CARHSP1: variants seen among roughly 807,000 people sequenced by gnomAD.
The protein encoded by CARHSP1 is calcium-regulated heat-stable protein 1.
In CARHSP1, 14 loss-of-function variants were observed where a neutral mutation model predicts 12.5. That is an observed-to-expected ratio of 1.12 (90% confidence interval 0.74 to 1.75). The LOEUF (loss-of-function observed/expected upper bound fraction) is 1.75, where lower values mean the gene tolerates loss of function less well. CARHSP1 is among the 40% of genes most tolerant of loss of function. The probability of loss-of-function intolerance (pLI) is 0.00; values close to 1 mark genes in which losing one functional copy is unlikely to be tolerated. For synonymous variants in CARHSP1, 161 were observed against 82.0 expected, an observed-to-expected ratio of 1.96 and a Z score of -5.20; for missense variants, 343 against 201.6, an observed-to-expected ratio of 1.70 and a Z score of -4.25.
Position 8,859,196 on chromosome 16 carries a change from T to C in CARHSP1, c.133A>G (p.Thr45Ala). ...RGNVVPSPLP[T>A]RRTRTFSATV... Reference sequence around the variant, plus strand: ...GCCGAGAAGGTCCTCGTCCGGCGAGTGGGCAGTGGGCTTGGGACCACGTTG... The same window carrying C: ...GCCGAGAAGGTCCTCGTCCGGCGAGCGGGCAGTGGGCTTGGGACCACGTTG... Residue 45 changes from threonine (T) to alanine (A), a missense_variant, in exon 2 of 4, where the codon ACT (threonine) becomes GCT (alanine). Thr to Ala is a moderately conservative substitution (Grantham distance 58, BLOSUM62 0). Transcript: ENST00000311052. 3.1e-6 allele frequency: 5 copies of C among 1,598,288 alleles called. No homozygotes were observed. The highest frequency in any genetic ancestry group is 4.3e-6 in the Non-Finnish European group (5 of 1,172,850).
chr16:8,860,208 T>TG (rs1042930201), intron 1 of CARHSP1: 5 of 985,072 alleles, frequency 5.1e-6, no homozygotes, highest in Non-Finnish European at 6.0e-6. Context: ...CACCCAGGAC[T>TG]GGGGGGCCTG....
intron 2 of CARHSP1, 118 bp from the exon 3 acceptor site, chr16:8,858,590 G>A: frequency 2.4e-6 from 3 of 1,271,424 alleles, no homozygotes; most frequent in South Asian, 2.9e-5. Context: ...GCCATGTACA[G>A]TCACACAGGC....
chr16:8,858,061 C>T, intron 3 of CARHSP1: 1 of 403,724 alleles, frequency 2.5e-6, no homozygotes, highest in Non-Finnish European at 4.6e-6. Context: ...CCACGCCCAG[C>T]ACACACAAAA....
At position 8,855,159 on chromosome 16, in the gene CARHSP1, A is replaced by C. The variant is rs761553234; in HGVS notation, c.*5T>G. On this transcript the variant is annotated 3_prime_UTR_variant, in exon 4 of 4. Coordinates refer to ENST00000311052, the MANE Select transcript of CARHSP1 (RefSeq NM_014316.4). ...GCACAGGACAAGGGGTGCTTCCACC[A>C]TCTCCTAGGAGCTGATGACATGTCC... The C allele has an allele frequency of 6.4e-7, 1 of 1,570,544 alleles. No individual in the cohort carries two copies. Among genetic ancestry groups the C allele is most frequent in the African/African-American group, 1.4e-5 (1 of 73,396 alleles).
At chr16:8,857,756 A>ATTTTTTT (rs1491390816) in intron 3 of CARHSP1, 1 of 29,030 alleles carries the variant, frequency 3.4e-5, no homozygotes, top group African/African-American at 1.1e-4. Context: ...CGCCCTGCTC[A>ATTTTTTT]TTATTTTTTT....
At chr16:8,861,358 C>G (rs2061348738) in intron 1 of CARHSP1, among the ~76,000 whole-genome samples, 1 of 151,478 alleles carries the variant, frequency 6.6e-6, no homozygotes, top group Admixed American at 6.6e-5. Context: ...CCTCAAAATC[C>G]AGGTTTCCAG....
At chr16:8,860,174 C>T (rs1035934244) in intron 1 of CARHSP1, 4 of 985,358 alleles carry the variant, frequency 4.1e-6, no homozygotes, top group Non-Finnish European at 1.2e-6. Context: ...ACGTTTGGAT[C>T]CCTGAGCAGC....
intron 2 of CARHSP1, chr16:8,858,890 G>C: frequency 2.4e-6 from 1 of 425,384 alleles, no homozygotes; most frequent in Non-Finnish European, 4.2e-6. Flanking sequence ...GTCTCACAGG[G>C]AACCAGACTC....
rs928169541 is a variant in CARHSP1 at position 8,855,050 on chromosome 16, A to G, written c.*114T>C. ...TTCCTCCAGGAGATACTTGAGAGGGACCATGCCCGGCTGAAGCCCCGTCTC... is the reference window on the plus strand; with the variant it reads ...TTCCTCCAGGAGATACTTGAGAGGGGCCATGCCCGGCTGAAGCCCCGTCTC... On this transcript the variant is annotated 3_prime_UTR_variant, in exon 4 of 4. Coordinates refer to ENST00000311052, the MANE Select transcript of CARHSP1 (RefSeq NM_014316.4). 24 of 758,508 alleles carry G rather than the reference A, an allele frequency of 3.2e-5. No individual in the cohort carries two copies. Among genetic ancestry groups the G allele is most frequent in the South Asian group, 5.1e-5 (2 of 39,492 alleles). 47.0% of individuals were successfully genotyped at this position (758,508 alleles called of 1,614,324 possible).
At chr16:8,858,298 G>A (rs1450942973) in intron 3 of CARHSP1, 52 bp downstream of exon 3, 2 of 1,593,834 alleles carry the variant, frequency 1.3e-6, no homozygotes, top group Non-Finnish European at 1.7e-6. Context: ...CCTCCACAGG[G>A]CCAAGGAAGC....
intron 1 of CARHSP1, among the ~76,000 whole-genome samples, chr16:8,860,768 G>A (rs1232351553): frequency 3.3e-5 from 5 of 152,072 alleles, no homozygotes; most frequent in South Asian, 4.1e-4. Context: ...TTTGAAGCAT[G>A]GGCCAGGTGC....
In CARHSP1 at chr16:8,853,501, A is replaced by T. The variant is rs2061003477; in HGVS notation, c.*1663T>A. 1 of 152,142 alleles carries T rather than the reference A, an allele frequency of 6.6e-6. No individual in the cohort carries two copies. Among genetic ancestry groups the T allele is most frequent in the Admixed American group, 6.6e-5 (1 of 15,262 alleles). 9.4% of individuals were successfully genotyped at this position (152,142 alleles called of 1,614,324 possible). On this transcript the variant is annotated 3_prime_UTR_variant, in exon 4 of 4. Coordinates refer to ENST00000311052, the MANE Select transcript of CARHSP1 (RefSeq NM_014316.4). ...ATCAACATGCGTATTTGCTATTCTC[A>T]AACAACTCCCTTCCACCCCCTTAGG... is the stretch of plus-strand genomic sequence containing the variant.
At chr16:8,863,580 C>T (rs1445673619) in intron 1 of CARHSP1, among the ~76,000 whole-genome samples, 3 of 152,188 alleles carry the variant, frequency 2.0e-5, no homozygotes, top group Non-Finnish European at 4.4e-5. Flanking sequence ...GGGGCGGGGG[C>T]AGTGCCAACT....
intron 3 of CARHSP1, 71 bp downstream of exon 3, chr16:8,858,279 C>T (rs1218740565): frequency 1.3e-6 from 2 of 1,563,614 alleles, no homozygotes; most frequent in Admixed American, 3.6e-5. Context: ...GAGTCACACA[C>T]CATCCCCACC....
At position 8,855,171 on chromosome 16, in the gene CARHSP1, C is replaced by A. The variant is rs1771719309; in HGVS notation, c.437G>T (p.Ser146Ile). ...KHETWSGHVI[S>I]S ...GGGTGCTTCCACCATCTCCTAGGAG[C>A]TGATGACATGTCCAGACCAGGTCTC... The change falls in exon 4 of 4, where the codon AGC (serine) becomes ATC (isoleucine). Residue 146 changes from serine to isoleucine, a missense_variant. By Grantham distance (142) the Ser-to-Ile change is moderately radical. Coordinates refer to ENST00000311052, the MANE Select transcript of CARHSP1 (RefSeq NM_014316.4). 2 of 1,596,118 alleles carry A rather than the reference C, an allele frequency of 1.3e-6. No homozygotes were observed. The highest frequency in any genetic ancestry group is 1.3e-5 in the African/African-American group (1 of 74,414).
intron 1 of CARHSP1, chr16:8,861,634 T>G (rs2141114768): frequency 1.6e-6 from 2 of 1,289,162 alleles, no homozygotes; most frequent in African/African-American, 1.5e-5. Context: ...AGCTGGTGGC[T>G]GGCTTGCCTT....
rs148210822 is a variant in CARHSP1 at position 8,864,049 on chromosome 16, G to C, written c.-7-4714C>G. Among the ~76,000 whole-genome samples the C allele has an allele frequency of 1.9e-3, 295 of 152,354 alleles. 1 individual carries two copies. Among genetic ancestry groups the C allele is most frequent in the African/African-American group, 6.6e-3 (276 of 41,578 alleles). The stretch of plus-strand genomic sequence containing the variant: ...GCAAACAGATCCGCCACTCAGATGA[G>C]CTTCTGGCCTGCAACAAACTTCGAC... On this transcript the variant is annotated intron_variant, in intron 1 of 3. Transcript: ENST00000311052.
chr16:8,858,167 C>G (rs955158495), intron 3 of CARHSP1, 183 bp downstream of exon 3: 1 of 707,510 alleles, frequency 1.4e-6, no homozygotes, highest in African/African-American at 1.8e-5. Context: ...CGTAGAGTCT[C>G]ACAACCCCAA....
chr16:8,864,733 G>C (rs1033810091), intron 1 of CARHSP1, among the ~76,000 whole-genome samples: 1 of 152,196 alleles, frequency 6.6e-6, no homozygotes, highest in African/African-American at 2.4e-5. Context: ...GCCCAGGGTG[G>C]TGGGGGCAGG....
Sources: allele counts gnomAD v4.1 joint callset (sites outside exome capture counted in the v4.1 genomes callset), GRCh38; gene constraint gnomAD v4.1.1; transcripts MANE v1.5; gene names NCBI Gene and HGNC (gene_info 2026-07-23, HGNC 2026-07-21).